The following SLIT3 variants were observed in gnomAD, a reference collection of about 807,000 sequenced individuals.
The protein encoded by SLIT3 is slit homolog 3 protein.
A neutral mutation model predicts 184.0 loss-of-function variants in SLIT3; 68 were observed. The ratio of observed to expected loss-of-function variants is 0.37; its 90% confidence interval spans 0.30 to 0.45. The LOEUF (loss-of-function observed/expected upper bound fraction) is 0.45, where lower values mean the gene tolerates loss of function less well. Ranked by LOEUF, SLIT3 falls within the 20% of genes least tolerant of loss-of-function variation. The pLI, the probability that SLIT3 is intolerant of heterozygous loss-of-function variation, is 1.00. For synonymous variants in SLIT3, 831 were observed against 828.6 expected (o/e 1.00, Z -0.05); for missense variants, 1,707 against 2,026.0 (o/e 0.84, Z 3.02).
chr5:168,965,047 C>G (rs1226545285), intron 4 of SLIT3, among the ~76,000 whole-genome samples: 1 of 152,118 alleles, frequency 6.6e-6, no homozygotes, highest in African/African-American at 2.4e-5. Context: ...GAGAGGGCCT[C>G]CTTAAATGGT....
chr5:168,884,764 T>A (rs769508472), intron 4 of SLIT3, among the ~76,000 whole-genome samples: 2 of 151,720 alleles, frequency 1.3e-5, no homozygotes, highest in African/African-American at 2.4e-5. Context: ...AGGCATTTAT[T>A]TATTTGCTAT....
intron 4 of SLIT3, among the ~76,000 whole-genome samples, chr5:169,070,281 G>C (rs1758497480): frequency 6.6e-6 from 1 of 152,172 alleles, no homozygotes; most frequent in Non-Finnish European, 1.5e-5. Context: ...GGGAATCCAA[G>C]TAATGGACTG....
intron 4 of SLIT3, among the ~76,000 whole-genome samples, chr5:169,191,303 G>A (rs888601742): frequency 2.6e-5 from 4 of 152,126 alleles, no homozygotes; most frequent in African/African-American, 9.7e-5. Context: ...GCCCGGACAC[G>A]GACCCAGCAA....
intron 4 of SLIT3, among the ~76,000 whole-genome samples, chr5:168,988,266 A>G (rs1469769112): frequency 6.6e-6 from 1 of 152,264 alleles, no homozygotes; most frequent in African/African-American, 2.4e-5. Flanking sequence ...TCTCTGCTAC[A>G]TCTCCACTGT....
chr5:169,002,942 A>G (rs1755771675), intron 4 of SLIT3, among the ~76,000 whole-genome samples: 1 of 152,232 alleles, frequency 6.6e-6, no homozygotes, highest in South Asian at 2.1e-4. Flanking sequence ...AAACAAGTAT[A>G]TGCCTAGTAA....
chr5:169,020,026 T>C lies in SLIT3; in HGVS notation c.414-136690A>G, dbSNP rs181822582. Among the ~76,000 whole-genome samples the C allele has an allele frequency of 6.6e-5, 10 of 152,342 alleles. No individual in the cohort carries two copies. In the East Asian group the frequency reaches 1.9e-3, roughly 29 times the overall value. ...GGACAAATTTGGCCGCTGCCTGTTT[T>C]TGTAATAAAGTTTTATCGGAAGTCC... On this transcript the variant is annotated intron_variant, in intron 4 of 35. Coordinates refer to ENST00000519560, the MANE Select transcript of SLIT3 (RefSeq NM_003062.4).
chr5:168,938,573 CA>C (rs896059679), intron 4 of SLIT3, among the ~76,000 whole-genome samples: 4 of 152,126 alleles, frequency 2.6e-5, no homozygotes, highest in African/African-American at 9.7e-5. Context: ...TATTTAGATA[CA>C]GTGATTTTAT....
chr5:168,683,748 C>T lies in SLIT3; in HGVS notation c.3686+218G>A, dbSNP rs74684407. Among the ~76,000 whole-genome samples the T allele has an allele frequency of 2.4e-4, 37 of 152,332 alleles. 1 individual carries two copies. Among genetic ancestry groups the T allele is most frequent in the Admixed American group, 2.4e-3 (37 of 15,306 alleles). Reference sequence around the variant, plus strand: ...ATGGTGATGAGGTGTCACCTCCCCTCTGCGGGCCTGCCTTCCTCTGCCTCT... The same window carrying T: ...ATGGTGATGAGGTGTCACCTCCCCTTTGCGGGCCTGCCTTCCTCTGCCTCT... On this transcript the variant is annotated intron_variant, in intron 32 of 35. Transcript: ENST00000519560.
intron 4 of SLIT3, among the ~76,000 whole-genome samples, chr5:169,010,074 C>T (rs565113759): frequency 9.3e-4 from 142 of 152,198 alleles, no homozygotes; most frequent in Middle Eastern, 3.4e-3. Flanking sequence ...AGGAGGCAAA[C>T]GAGGGTTTGT....
chr5:169,148,681 TA>T (rs1762015159), intron 4 of SLIT3, among the ~76,000 whole-genome samples: 1 of 152,222 alleles, frequency 6.6e-6, no homozygotes, highest in Non-Finnish European at 1.5e-5. Flanking sequence ...ATGTGTTGTA[TA>T]AAAATTGTTA....
intron 4 of SLIT3, among the ~76,000 whole-genome samples, chr5:169,033,776 A>T (rs1158055938): frequency 6.6e-6 from 1 of 151,120 alleles, no homozygotes. Flanking sequence ...GCCCATTTTT[A>T]AATTGGGTTA....
chr5:169,151,273 C>CAAA (rs1284656040), intron 4 of SLIT3, among the ~76,000 whole-genome samples: 2 of 152,168 alleles, frequency 1.3e-5, no homozygotes, highest in African/African-American at 4.8e-5. Flanking sequence ...CCATTGCCGC[C>CAAA]TGGGAGTGTA....
At chr5:169,292,750 T>G (rs1001668033) in intron 1 of SLIT3, among the ~76,000 whole-genome samples, 4 of 152,212 alleles carry the variant, frequency 2.6e-5, no homozygotes, top group Admixed American at 2.0e-4. Flanking sequence ...CCTGAAAAGC[T>G]GATGAAATGA....
At chr5:169,158,547 A>G in intron 4 of SLIT3, among the ~76,000 whole-genome samples, 1 of 152,214 alleles carries the variant, frequency 6.6e-6, no homozygotes, top group East Asian at 1.9e-4. Flanking sequence ...TGGAAAGAGT[A>G]AAAATATGGG....
intron 4 of SLIT3, among the ~76,000 whole-genome samples, chr5:169,142,235 C>T (rs1325984791): frequency 6.6e-6 from 1 of 151,980 alleles, no homozygotes; most frequent in Non-Finnish European, 1.5e-5. Flanking sequence ...TGGATGGAGC[C>T]TTCTCTTTTA....
intron 4 of SLIT3, among the ~76,000 whole-genome samples, chr5:169,015,092 A>G (rs17070720): frequency 0.023 from 3,394 of 147,954 alleles, 135 homozygotes; most frequent in African/African-American, 0.082. Context: ...ATTACAAACC[A>G]ACTAACTGGA....
rs565107495 is a variant in SLIT3, at chr5:168,731,162, A to G, written c.2271-6678T>C. On this transcript the variant is annotated intron_variant, in intron 20 of 35. Coordinates refer to ENST00000519560, the MANE Select transcript of SLIT3 (RefSeq NM_003062.4). The stretch of plus-strand genomic sequence containing the variant: ...TCAGACTATTATGAACAACTATACA[A>G]TCACAAACTAGAAAATCTAGAGCAA... Among the ~76,000 whole-genome samples, 209 of 152,080 alleles carry G rather than the reference A, an allele frequency of 1.4e-3. 2 individuals are homozygous for G. Among genetic ancestry groups the G allele is most frequent in the African/African-American group, 4.9e-3 (202 of 41,542 alleles).
chr5:169,280,844 T>G (rs1263520261), intron 1 of SLIT3, among the ~76,000 whole-genome samples: 1 of 152,068 alleles, frequency 6.6e-6, no homozygotes, highest in African/African-American at 2.4e-5. Flanking sequence ...TGAGCCTCAG[T>G]TTTTCTATTT....
At chr5:168,683,811 G>T (rs939020767) in intron 32 of SLIT3, among the ~76,000 whole-genome samples, 155 bp downstream of exon 32, 1 of 152,090 alleles carries the variant, frequency 6.6e-6, no homozygotes, top group Non-Finnish European at 1.5e-5. Context: ...CTCACCACTC[G>T]GTGAGGAGGA....
Sources: gnomAD v4.1 joint callset for allele counts (sites outside exome capture counted in the v4.1 genomes callset) on GRCh38, gnomAD v4.1.1 for gene constraint, MANE v1.5 for transcripts, NCBI Gene and HGNC (gene_info 2026-07-23, HGNC 2026-07-21) for gene names.